Variants in RSPRY1 observed in about 807,000 individuals in gnomAD.
RSPRY1 encodes ring finger and SPRY domain containing 1.
Under a neutral mutation model 73.1 loss-of-function variants are expected in RSPRY1, and 23 were observed. That is an observed-to-expected ratio of 0.31 (90% CI 0.23 to 0.45). The LOEUF is 0.45. Among genes scored for constraint, RSPRY1 ranks in the 20% least tolerant of loss-of-function variants. The pLI is 1.00. For missense variants in RSPRY1, 448 were observed against 698.7 expected (o/e 0.64, Z 4.05); for synonymous variants, 226 against 251.4 (o/e 0.90, Z 0.95).
intron 11 of RSPRY1, among the ~76,000 whole-genome samples, chr16:57,228,998 A>G (rs1248329692): frequency 6.6e-6 from 1 of 152,242 alleles, no homozygotes; most frequent in East Asian, 1.9e-4. Flanking sequence ...GGCCCAGCCA[A>G]TAACATTACT....
At chr16:57,219,411 A>G (rs540367466) in intron 8 of RSPRY1, among the ~76,000 whole-genome samples, 113 of 152,334 alleles carry the variant, frequency 7.4e-4, no homozygotes, top group African/African-American at 2.2e-3. Context: ...CTGATGATCA[A>G]TAATGTTGAG....
chr16:57,227,340 A>G lies in RSPRY1; in HGVS notation c.1162-2A>G. The G allele has an allele frequency of 6.2e-7, 1 of 1,610,380 alleles. No individual in the cohort carries two copies. Among genetic ancestry groups the G allele is most frequent in the Non-Finnish European group, 8.5e-7 (1 of 1,176,692 alleles). ...AATCTTCTGGGCCTTGTCTCTCTCC[A>G]GGAAGGCTACGGCATTGGGGATGAT... On this transcript the variant is annotated splice_acceptor_variant, in intron 10 of 14. Transcript: ENST00000394420. LOFTEE classifies it high-confidence loss of function.
chr16:57,197,004 CT>C, intron 1 of RSPRY1, among the ~76,000 whole-genome samples: 1 of 152,290 alleles, frequency 6.6e-6, no homozygotes, highest in East Asian at 1.9e-4. Flanking sequence ...AGGGCTGGGA[CT>C]TTCACCTAGT....
chr16:57,201,287 G>A (rs566391094), intron 1 of RSPRY1, among the ~76,000 whole-genome samples: 4,061 of 151,672 alleles, frequency 0.027, 79 homozygotes, highest in Non-Finnish European at 0.039. Flanking sequence ...CAGACGGGGC[G>A]GTTGCCAGGC....
chr16:57,210,498 T>G (rs1425559472), intron 4 of RSPRY1, among the ~76,000 whole-genome samples: 3 of 149,650 alleles, frequency 2.0e-5, no homozygotes, highest in Admixed American at 2.0e-4. Flanking sequence ...AGGTCAGGAG[T>G]TCGAGACCAG....
Position 57,209,152 on chromosome 16 carries a change from A to T in RSPRY1, c.481A>T (p.Thr161Ser). ...AGATCCACTGGGACCAGCTGTTATA[A>T]CATTGTTACTAGATGAATGTCCATT... Reference protein sequence around the residue: ...LEDPLGPAVITLLLDECPLPT... With the variant: ...LEDPLGPAVISLLLDECPLPT... The change falls in exon 4 of 15, where the codon ACA (threonine) becomes TCA (serine). Residue 161 changes from threonine to serine, a missense_variant. Coordinates refer to ENST00000394420, the MANE Select transcript of RSPRY1 (RefSeq NM_133368.3). 6.2e-7 allele frequency: 1 copy of T among 1,612,568 alleles called. No homozygotes were observed. Among genetic ancestry groups the T allele is most frequent in the Non-Finnish European group, 8.5e-7 (1 of 1,178,852 alleles).
chr16:57,191,362 A>G (rs1027624197), intron 1 of RSPRY1, among the ~76,000 whole-genome samples: 1 of 152,204 alleles, frequency 6.6e-6, no homozygotes, highest in Non-Finnish European at 1.5e-5. Context: ...CAAGTGAATT[A>G]CTAAGGATTA....
chr16:57,216,001 G>A (rs955347130), intron 6 of RSPRY1, 106 bp from the exon 7 acceptor site: 5 of 844,234 alleles, frequency 5.9e-6, no homozygotes, highest in Admixed American at 4.8e-5. Flanking sequence ...CTGACCACTC[G>A]AAAAAACATC....
At position 57,203,125 on chromosome 16, in the gene RSPRY1, C is replaced by T. The variant is rs563962844; in HGVS notation, c.-155-1379C>T. On this transcript the variant is annotated intron_variant, in intron 1 of 14. Transcript: ENST00000394420. ...GTTTGTGGCCAACATGGTGAAACCC[C>T]GTCTCTACTAAAAATATAAAAACTG... is the stretch of plus-strand genomic sequence containing the variant. Among the ~76,000 whole-genome samples, 276 of 151,776 alleles carry T rather than the reference C, an allele frequency of 1.8e-3. 2 individuals are homozygous for T. The highest frequency in any genetic ancestry group is 6.2e-3 in the African/African-American group (257 of 41,392).
At chr16:57,212,610 G>A (rs780337569) in intron 4 of RSPRY1, among the ~76,000 whole-genome samples, 1 of 151,918 alleles carries the variant, frequency 6.6e-6, no homozygotes, top group Non-Finnish European at 1.5e-5. Context: ...TTAACACCTG[G>A]TTATAGCTCC....
chr16:57,190,103 C>A (rs1460189429), intron 1 of RSPRY1, among the ~76,000 whole-genome samples: 1 of 152,076 alleles, frequency 6.6e-6, no homozygotes, highest in Non-Finnish European at 1.5e-5. Flanking sequence ...CATGGTGGCT[C>A]ACACCTATAA....
At chr16:57,219,493 C>A (rs2146316926) in intron 8 of RSPRY1, among the ~76,000 whole-genome samples, 1 of 152,286 alleles carries the variant, frequency 6.6e-6, no homozygotes, top group Non-Finnish European at 1.5e-5. Flanking sequence ...GTTTTGCCCA[C>A]TTTTTAATCA....
intron 2 of RSPRY1, among the ~76,000 whole-genome samples, 178 bp from the exon 3 acceptor site, chr16:57,207,880 C>T (rs1288124773): frequency 6.6e-6 from 1 of 151,880 alleles, no homozygotes; most frequent in Non-Finnish European, 1.5e-5. Context: ...GAAATGAGCA[C>T]ATATGGTATA....
intron 10 of RSPRY1, among the ~76,000 whole-genome samples, chr16:57,226,743 G>A (rs965741105): frequency 1.3e-5 from 2 of 152,208 alleles, no homozygotes; most frequent in Non-Finnish European, 1.5e-5. Context: ...TATCAGCAGG[G>A]TCTTTGTGAC....
chr16:57,217,994 ATTTG>A (rs2074968105), intron 8 of RSPRY1, among the ~76,000 whole-genome samples: 1 of 152,184 alleles, frequency 6.6e-6, no homozygotes, highest in African/African-American at 2.4e-5. Flanking sequence ...CTTTCCTAGC[ATTTG>A]TTTGATTGAT....
At chr16:57,220,711 T>C in intron 8 of RSPRY1, 21 bp from the exon 9 acceptor site, 1 of 1,515,794 alleles carries the variant, frequency 6.6e-7, no homozygotes, top group Non-Finnish European at 9.2e-7. Context: ...CTTAGAAACA[T>C]GAACACTCTT....
intron 14 of RSPRY1, among the ~76,000 whole-genome samples, chr16:57,237,281 T>G (rs1885260808): frequency 6.6e-6 from 1 of 151,926 alleles, no homozygotes; most frequent in Admixed American, 6.6e-5. Flanking sequence ...GTAGCTTGGA[T>G]TACAGGCGCA....
At chr16:57,214,509 A>G (rs1320832783) in intron 6 of RSPRY1, among the ~76,000 whole-genome samples, 4 of 152,196 alleles carry the variant, frequency 2.6e-5, no homozygotes, top group Non-Finnish European at 1.5e-5. Context: ...CCTAGTGAGC[A>G]TTGGCCCTTT....
rs544722069 is a variant in RSPRY1, at chr16:57,229,490, G to T, written c.1274-1221G>T. Among the ~76,000 whole-genome samples, 7 of 151,764 alleles carry T rather than the reference G, an allele frequency of 4.6e-5. No homozygotes were observed. In the South Asian group the frequency reaches 1.3e-3, roughly 27 times the overall value. Reference sequence around the variant, plus strand: ...AAAAATTTGCCAGGGGTGGTGGCACGTGCCTGTAGTCCTAGTTACTCAGGA... The same window carrying T: ...AAAAATTTGCCAGGGGTGGTGGCACTTGCCTGTAGTCCTAGTTACTCAGGA... On this transcript the variant is annotated intron_variant, in intron 11 of 14. Coordinates refer to ENST00000394420, the MANE Select transcript of RSPRY1 (RefSeq NM_133368.3).
Sources: gnomAD v4.1 joint callset for allele counts (sites outside exome capture counted in the v4.1 genomes callset) on GRCh38, gnomAD v4.1.1 for gene constraint, MANE v1.5 for transcripts, NCBI Gene and HGNC (gene_info 2026-07-23, HGNC 2026-07-21) for gene names.